The following SH3D19 variants were observed in gnomAD, a reference collection of about 807,000 sequenced individuals.
The protein encoded by SH3D19 is SH3 domain-containing protein 19.
SH3D19 carries 58 observed loss-of-function variants against 112.1 expected under a neutral mutation model. The ratio of observed to expected loss-of-function variants is 0.52; its 90% CI spans 0.42 to 0.64. The LOEUF is 0.64. SH3D19 is among the 30% of genes least tolerant of loss of function. The pLI, the probability that SH3D19 is intolerant of heterozygous loss-of-function variation, is 0.00. For missense variants in SH3D19, 1,090 were observed against 1,263.4 expected (o/e 0.86, Z 2.08); for synonymous variants, 391 against 448.5 (o/e 0.87, Z 1.62).
intron 9 of SH3D19, among the ~76,000 whole-genome samples, chr4:151,152,209 G>T (rs1050038328): frequency 5.3e-5 from 8 of 152,196 alleles, no homozygotes; most frequent in African/African-American, 1.9e-4. Flanking sequence ...CTTAGTGTTT[G>T]CTCAAGTCTG....
chr4:151,167,462 C>A (rs1339860288), intron 7 of SH3D19, among the ~76,000 whole-genome samples: 1 of 151,746 alleles, frequency 6.6e-6, no homozygotes, highest in Admixed American at 6.6e-5. Flanking sequence ...CATGTATTTT[C>A]TATAAATATT....
intron 1 of SH3D19, among the ~76,000 whole-genome samples, chr4:151,322,455 A>G (rs1445346542): frequency 8.4e-5 from 12 of 142,208 alleles, no homozygotes; most frequent in Non-Finnish European, 1.8e-4. Flanking sequence ...AAAAAAAAAA[A>G]CCTTTCCTGA....
chr4:151,255,421 A>G (rs1771797488), intron 1 of SH3D19, among the ~76,000 whole-genome samples: 2 of 140,418 alleles, frequency 1.4e-5, no homozygotes, highest in Admixed American at 1.4e-4. Flanking sequence ...CCCACATCTC[A>G]GAGGATGGGC....
At chr4:151,124,176 G>A (rs543683311) in intron 19 of SH3D19, among the ~76,000 whole-genome samples, 4 of 151,624 alleles carry the variant, frequency 2.6e-5, no homozygotes, top group African/African-American at 9.7e-5. Context: ...GCAAGATCTC[G>A]GCTCACTGCA....
intron 4 of SH3D19, among the ~76,000 whole-genome samples, chr4:151,177,687 A>C (rs539746961): frequency 2.8e-4 from 43 of 152,352 alleles, no homozygotes; most frequent in South Asian, 8.3e-4. Context: ...TCTGAAATGC[A>C]AAATTACCAT....
chr4:151,291,426 A>G, intron 1 of SH3D19: 1 of 1,613,014 alleles, frequency 6.2e-7, no homozygotes, highest in Non-Finnish European at 8.5e-7. Flanking sequence ...AAGAGAATGC[A>G]TGGAGATTTA....
intron 1 of SH3D19, among the ~76,000 whole-genome samples, chr4:151,321,002 C>T (rs1250623262): frequency 1.3e-5 from 2 of 152,132 alleles, no homozygotes; most frequent in Non-Finnish European, 2.9e-5. Context: ...GATTACACCA[C>T]AGCACTCCAG....
At chr4:151,123,255 G>T (rs1748427318) in intron 19 of SH3D19, among the ~76,000 whole-genome samples, 1 of 152,198 alleles carries the variant, frequency 6.6e-6, no homozygotes, top group Admixed American at 6.5e-5. Flanking sequence ...GTAGAACCAG[G>T]ATTCAAATCT....
At chr4:151,247,154 T>C (rs1771003805) in intron 1 of SH3D19, among the ~76,000 whole-genome samples, 1 of 152,222 alleles carries the variant, frequency 6.6e-6, no homozygotes, top group Non-Finnish European at 1.5e-5. Flanking sequence ...AATTTTTCTC[T>C]CAGATTTTTG....
intron 9 of SH3D19, among the ~76,000 whole-genome samples, chr4:151,151,303 T>C (rs1053332873): frequency 1.3e-5 from 2 of 152,080 alleles, no homozygotes; most frequent in Admixed American, 6.6e-5. Flanking sequence ...TGTTTTCCAC[T>C]TTTCCTACTT....
intron 1 of SH3D19, among the ~76,000 whole-genome samples, chr4:151,226,854 T>C (rs1769089906): frequency 6.6e-6 from 1 of 152,204 alleles, no homozygotes; most frequent in Admixed American, 6.5e-5. Context: ...TCTAGACTGC[T>C]GTAACATGCT....
At chr4:151,196,900 A>G (rs1763548850) in intron 2 of SH3D19, among the ~76,000 whole-genome samples, 1 of 152,236 alleles carries the variant, frequency 6.6e-6, no homozygotes, top group Non-Finnish European at 1.5e-5. Context: ...AATGCCCGAC[A>G]TCATTAATTA....
chr4:151,227,634 C>T (rs1179485092), intron 1 of SH3D19: 1 of 445,842 alleles, frequency 2.2e-6, no homozygotes, highest in East Asian at 1.6e-4. Context: ...TAAATCATTT[C>T]TCTCAATCAT....
intron 1 of SH3D19, among the ~76,000 whole-genome samples, chr4:151,305,277 T>C (rs552638712): frequency 1.2e-4 from 19 of 152,312 alleles, no homozygotes; most frequent in African/African-American, 4.6e-4. Flanking sequence ...CAATACAAAC[T>C]GTTCTTTCTG....
chr4:151,139,926 T>G, intron 12 of SH3D19, 79 bp from the exon 13 acceptor site: 1 of 1,332,748 alleles, frequency 7.5e-7, no homozygotes, highest in Non-Finnish European at 1.1e-6. Context: ...ACCAATTTTT[T>G]TTTTCTCATT....
At chr4:151,317,794 C>CA (rs1172158416) in intron 1 of SH3D19, among the ~76,000 whole-genome samples, 1 of 151,730 alleles carries the variant, frequency 6.6e-6, no homozygotes, top group Non-Finnish European at 1.5e-5. Context: ...GCCAACTCTG[C>CA]AAAACCCTGT....
At chr4:151,150,962 T>G (rs1342943626) in intron 9 of SH3D19, among the ~76,000 whole-genome samples, 44 of 148,304 alleles carry the variant, frequency 3.0e-4, no homozygotes, top group African/African-American at 1.1e-3. Flanking sequence ...AAAATTCTTT[T>G]TTTTTTTTTT....
intron 2 of SH3D19, among the ~76,000 whole-genome samples, chr4:151,224,092 G>A (rs931581643): frequency 9.2e-5 from 14 of 152,200 alleles, no homozygotes; most frequent in African/African-American, 2.2e-4. Context: ...GGTGGATCAC[G>A]AGGTCAAGAG....
chr4:151,244,803 G>A (rs1423004941), intron 1 of SH3D19, among the ~76,000 whole-genome samples: 1 of 152,160 alleles, frequency 6.6e-6, no homozygotes, highest in Admixed American at 6.6e-5. Flanking sequence ...CATAGCCATA[G>A]CAAAAATGAC....
Sources: gnomAD v4.1 joint callset for allele counts (sites outside exome capture counted in the v4.1 genomes callset) on GRCh38, gnomAD v4.1.1 for gene constraint, MANE v1.5 for transcripts, NCBI Gene and HGNC (gene_info 2026-07-23, HGNC 2026-07-21) for gene names.